Variants in CLEC2D observed in about 807,000 individuals in gnomAD.
The protein encoded by CLEC2D is C-type lectin domain family 2 member D.
A neutral mutation model predicts 20.0 loss-of-function variants in CLEC2D; 16 were observed. The observed-to-expected ratio is 0.80, with a 90% CI of 0.54 to 1.22. The LOEUF (loss-of-function observed/expected upper bound fraction) is 1.22. CLEC2D is among the 50% of genes most tolerant of loss of function. The pLI is 0.00. For missense variants in CLEC2D, 207 were observed against 221.5 expected, an observed-to-expected ratio of 0.93 and a Z score of 0.42; for synonymous variants, 77 against 71.1, an observed-to-expected ratio of 1.08 and a Z score of -0.42.
chr12:9,695,356 C>G lies in CLEC2D; in HGVS notation c.*482C>G, dbSNP rs1164392871. The G allele has an allele frequency of 2.5e-6, 3 of 1,182,490 alleles. No individual in the cohort carries two copies. Among genetic ancestry groups the G allele is most frequent in the African/African-American group, 1.6e-5 (1 of 64,386 alleles). 73.2% of individuals were successfully genotyped at this position (1,182,490 alleles called of 1,614,324 possible). A position where few individuals can be genotyped will look rare whatever the true frequency, so the allele number is the denominator to read the frequency against. ...ATTCATTTATCTTCGTCTGCCTTGT[C>G]TCCTACCTAAGTGTGTGTCGCCACC... On this transcript the variant is annotated 3_prime_UTR_variant, in exon 5 of 5. Coordinates refer to ENST00000290855, the MANE Select transcript of CLEC2D (RefSeq NM_013269.6).
At chr12:9,691,472 A>C in intron 3 of CLEC2D, among the ~76,000 whole-genome samples, 1 of 151,890 alleles carries the variant, frequency 6.6e-6, no homozygotes, top group East Asian at 1.9e-4. Context: ...AATTCTTCTC[A>C]AATGCACATG....
In CLEC2D at chr12:9,695,273, G is replaced by C; in HGVS notation, c.*399G>C. 1 of 688,934 alleles carries C rather than the reference G, an allele frequency of 1.5e-6. No individual in the cohort carries two copies. The highest frequency in any genetic ancestry group is 2.6e-6 in the Non-Finnish European group (1 of 382,648). 42.7% of individuals were successfully genotyped at this position (688,934 alleles called of 1,614,324 possible). On this transcript the variant is annotated 3_prime_UTR_variant, in exon 5 of 5. Coordinates refer to ENST00000290855, the MANE Select transcript of CLEC2D (RefSeq NM_013269.6). ...ACAACCATCAGATATCTTGAGACAA[G>C]AACAGTATGGGGCTCCCTGGTGTGA...
At chr12:9,690,561 A>G (rs1460615343) in intron 3 of CLEC2D, among the ~76,000 whole-genome samples, 2 of 152,062 alleles carry the variant, frequency 1.3e-5, no homozygotes, top group East Asian at 3.8e-4. Flanking sequence ...ATGAATAAAA[A>G]TTATAAATAT....
intron 3 of CLEC2D, among the ~76,000 whole-genome samples, chr12:9,688,627 C>A (rs780896192): frequency 6.6e-6 from 1 of 152,202 alleles, no homozygotes; most frequent in South Asian, 2.1e-4. Flanking sequence ...GCTGAGGCAG[C>A]AGAATTGCTT....
chr12:9,694,505 G>A (rs1208088869), intron 4 of CLEC2D, among the ~76,000 whole-genome samples: 2 of 152,164 alleles, frequency 1.3e-5, no homozygotes, highest in South Asian at 2.1e-4. Context: ...CTAAGGCTTT[G>A]GATGTACTTG....
chr12:9,679,658 T>C (rs907335606), intron 1 of CLEC2D, among the ~76,000 whole-genome samples: 1 of 152,234 alleles, frequency 6.6e-6, no homozygotes, highest in African/African-American at 2.4e-5. Flanking sequence ...ATATTTTTAA[T>C]TCAGTATTTC....
chr12:9,682,951 A>G (rs925202696), intron 2 of CLEC2D, among the ~76,000 whole-genome samples: 2 of 152,194 alleles, frequency 1.3e-5, no homozygotes, highest in Non-Finnish European at 2.9e-5. Context: ...GAACTAATTT[A>G]CACTCCCACC....
rs1386987886 is a variant in CLEC2D, at chr12:9,695,761, G to A, written c.*887G>A. Reference sequence around the variant, plus strand: ...TGTGAAGGAAGGTGCAGAGTCAGAAGATGAAGAAGAGGAGGATGTGAAACT... The same window carrying A: ...TGTGAAGGAAGGTGCAGAGTCAGAAAATGAAGAAGAGGAGGATGTGAAACT... On this transcript the variant is annotated 3_prime_UTR_variant, in exon 5 of 5. Transcript: ENST00000290855. 2.2e-6 allele frequency: 3 copies of A among 1,393,808 alleles called. No homozygotes were observed. Among genetic ancestry groups the A allele is most frequent in the Admixed American group, 1.7e-5 (1 of 59,626 alleles). The allele number at this position is 1,393,808 out of a possible 1,614,324, so 86.3% of individuals were successfully genotyped here. A position where few individuals can be genotyped will look rare whatever the true frequency, so the allele number is the denominator to read the frequency against.
At chr12:9,675,536 C>T (rs1379932237) in intron 1 of CLEC2D, among the ~76,000 whole-genome samples, 1 of 152,168 alleles carries the variant, frequency 6.6e-6, no homozygotes, top group Non-Finnish European at 1.5e-5. Context: ...GTCTTGATTA[C>T]TGTAGTTTTA....
intron 2 of CLEC2D, among the ~76,000 whole-genome samples, chr12:9,686,917 A>G (rs1865760495): frequency 6.6e-6 from 1 of 152,206 alleles, no homozygotes; most frequent in African/African-American, 2.4e-5. Flanking sequence ...ATTTAGACAT[A>G]TACAAGGCTT....
rs1489254177 is a variant in CLEC2D, at chr12:9,695,023, T to A, written c.*149T>A. The A allele has an allele frequency of 1.7e-6, 1 of 602,410 alleles. No individual in the cohort carries two copies. The allele number at this position is 602,410 out of a possible 1,614,324, so 37.3% of individuals were successfully genotyped here. The stretch of plus-strand genomic sequence containing the variant: ...ATAACTGGGAAAATACAAATCAAAA[T>A]CATAGTAAAATATTACCTGTTTTCA... On this transcript the variant is annotated 3_prime_UTR_variant, in exon 5 of 5. Coordinates refer to ENST00000290855, the MANE Select transcript of CLEC2D (RefSeq NM_013269.6).
At chr12:9,675,534 T>G (rs1008938167) in intron 1 of CLEC2D, among the ~76,000 whole-genome samples, 4 of 152,234 alleles carry the variant, frequency 2.6e-5, no homozygotes, top group African/African-American at 9.6e-5. Flanking sequence ...CTGTCTTGAT[T>G]ACTGTAGTTT....
At chr12:9,673,426 T>C (rs6488110) in intron 1 of CLEC2D, among the ~76,000 whole-genome samples, 29,740 of 152,298 alleles carry the variant, frequency 0.2, 3,580 homozygotes, top group African/African-American at 0.33. Context: ...TGCTTCTTCC[T>C]TCAGAAGTTT....
chr12:9,670,250 A>G (rs921799593), intron 1 of CLEC2D, among the ~76,000 whole-genome samples: 1 of 152,122 alleles, frequency 6.6e-6, no homozygotes, highest in African/African-American at 2.4e-5. Flanking sequence ...GGGCATTCTA[A>G]TGGAATTATG....
intron 2 of CLEC2D, among the ~76,000 whole-genome samples, chr12:9,684,681 A>G (rs766857517): frequency 1.2e-4 from 18 of 152,264 alleles, no homozygotes; most frequent in Middle Eastern, 6.8e-3. Context: ...AATGGATTAC[A>G]TTTATTAATT....
intron 4 of CLEC2D, 71 bp from the exon 5 acceptor site, chr12:9,694,689 T>A (rs1331700696): frequency 2.4e-6 from 2 of 846,738 alleles, no homozygotes; most frequent in Non-Finnish European, 4.1e-6. Flanking sequence ...TTTTCTCATT[T>A]TCTCATCTTC....
At chr12:9,679,633 G>A (rs752763673) in intron 1 of CLEC2D, among the ~76,000 whole-genome samples, 1 of 152,256 alleles carries the variant, frequency 6.6e-6, no homozygotes, top group East Asian at 1.9e-4. Flanking sequence ...GGGTACAGGG[G>A]CATATGTGAA....
In CLEC2D at chr12:9,694,982, A is replaced by G. The variant is rs115244044; in HGVS notation, c.*108A>G. The G allele has an allele frequency of 0.02, 12,773 of 642,604 alleles. 184 individuals carry two copies. Among genetic ancestry groups the G allele is most frequent in the Middle Eastern group, 0.032 (77 of 2,414 alleles). The allele number at this position is 642,604 out of a possible 1,614,324, so 39.8% of individuals were successfully genotyped here. ...CTTATACCAACAGGTATATGAAAAT[A>G]TGCTCAATATCACTAATAACTGGGA... On this transcript the variant is annotated 3_prime_UTR_variant, in exon 5 of 5. Transcript: ENST00000290855.
chr12:9,690,714 TA>T (rs1402842676), intron 3 of CLEC2D, among the ~76,000 whole-genome samples: 2 of 152,010 alleles, frequency 1.3e-5, no homozygotes, highest in Non-Finnish European at 2.9e-5. Flanking sequence ...TTTAAGATGC[TA>T]ATTATAATTC....
Sources: gnomAD v4.1 joint callset for allele counts (sites outside exome capture counted in the v4.1 genomes callset) on GRCh38, gnomAD v4.1.1 for gene constraint, MANE v1.5 for transcripts, NCBI Gene and HGNC (gene_info 2026-07-23, HGNC 2026-07-21) for gene names.